Variants in ZBTB16 observed in about 807,000 individuals in gnomAD.
ZBTB16 encodes the protein zinc finger and BTB domain containing 16.
A neutral mutation model predicts 56.8 loss-of-function variants in ZBTB16; 8 were observed. The ratio of observed to expected loss-of-function variants is 0.14; its 90% CI spans 0.08 to 0.25. The LOEUF (loss-of-function observed/expected upper bound fraction) is 0.25. Among genes scored for constraint, ZBTB16 ranks in the 10% least tolerant of loss-of-function variants. ZBTB16 has a pLI of 1.00. For synonymous variants in ZBTB16, 363 were observed against 368.5 expected, an observed-to-expected ratio of 0.98 and a Z score of 0.17; for missense variants, 625 against 903.0, an observed-to-expected ratio of 0.69 and a Z score of 3.95.
intron 3 of ZBTB16, among the ~76,000 whole-genome samples, chr11:114,165,418 T>C (rs1942721361): frequency 6.6e-6 from 1 of 152,246 alleles, no homozygotes; most frequent in African/African-American, 2.4e-5. Flanking sequence ...TACTGTGCTC[T>C]CCTGGGCCAG....
chr11:114,096,112 G>C (rs1171438797), intron 2 of ZBTB16, among the ~76,000 whole-genome samples: 1 of 152,162 alleles, frequency 6.6e-6, no homozygotes, highest in African/African-American at 2.4e-5. Flanking sequence ...CTATGAAAAA[G>C]TAAATTCCTC....
At chr11:114,136,715 G>A (rs896987223) in intron 2 of ZBTB16, among the ~76,000 whole-genome samples, 2 of 151,838 alleles carry the variant, frequency 1.3e-5, no homozygotes, top group Non-Finnish European at 2.9e-5. Flanking sequence ...GGGTTTTTTT[G>A]GGGGGAGGTT....
intron 3 of ZBTB16, among the ~76,000 whole-genome samples, chr11:114,169,773 C>G (rs1488370863): frequency 1.3e-5 from 2 of 152,118 alleles, no homozygotes; most frequent in African/African-American, 4.8e-5. Context: ...GGGAGAAGCT[C>G]CTAAGAACCA....
chr11:114,242,458 T>C (rs1944728833), intron 5 of ZBTB16, 121 bp downstream of exon 5: 4 of 1,413,178 alleles, frequency 2.8e-6, no homozygotes, highest in Non-Finnish European at 3.9e-6. Flanking sequence ...TGCTCAAGGC[T>C]TGGACGTGCA....
In ZBTB16 at chr11:114,063,615, G is replaced by A. The variant is rs1031618275; in HGVS notation, c.315G>A (p.Ala105=). The A allele has an allele frequency of 8.1e-6, 13 of 1,614,034 alleles. No individual in the cohort carries two copies. In the East Asian group the frequency reaches 1.1e-4, roughly 14 times the overall value. Residue 105 remains alanine (A), a synonymous_variant, in exon 2 of 7, where the codon GCG becomes GCA. Transcript: ENST00000335953. The surrounding 1 kb of genome is among the most constrained non-coding windows in gnomAD (Gnocchi z 6.5). ...KAEDLDDLLY[A]AEILEIEYLE... ...AGGACCTGGATGACCTGCTGTATGCGGCCGAGATCCTGGAGATCGAGTACC... is the reference window on the plus strand; with the variant it reads ...AGGACCTGGATGACCTGCTGTATGCAGCCGAGATCCTGGAGATCGAGTACC...
intron 3 of ZBTB16, among the ~76,000 whole-genome samples, chr11:114,175,605 T>C (rs1943089549): frequency 6.6e-6 from 1 of 151,770 alleles, no homozygotes; most frequent in Non-Finnish European, 1.5e-5. Flanking sequence ...GGACAGGGGA[T>C]TCTGAGACCC....
intron 3 of ZBTB16, among the ~76,000 whole-genome samples, chr11:114,180,037 G>A (rs1458227808): frequency 6.6e-6 from 1 of 152,148 alleles, no homozygotes; most frequent in Non-Finnish European, 1.5e-5. Flanking sequence ...GGTGATCCTT[G>A]GCACAGAGGG....
intron 4 of ZBTB16, among the ~76,000 whole-genome samples, chr11:114,236,915 A>G (rs1944604133): frequency 6.6e-6 from 1 of 152,230 alleles, no homozygotes; most frequent in African/African-American, 2.4e-5. Flanking sequence ...TCAGAGGAAG[A>G]TGGTGTTGTT....
chr11:114,107,379 C>G (rs904003069), intron 2 of ZBTB16, among the ~76,000 whole-genome samples: 2 of 152,206 alleles, frequency 1.3e-5, no homozygotes, highest in African/African-American at 4.8e-5. Context: ...TCCCTCAAGT[C>G]TCAGATTAAG....
At chr11:114,244,300 G>C (rs1944771998) in intron 5 of ZBTB16, among the ~76,000 whole-genome samples, 1 of 151,868 alleles carries the variant, frequency 6.6e-6, no homozygotes, top group Non-Finnish European at 1.5e-5. Flanking sequence ...GATGGGGCTG[G>C]GGTGGGGAGG....
intron 4 of ZBTB16, among the ~76,000 whole-genome samples, chr11:114,234,424 C>CT (rs955752189): frequency 1.3e-5 from 2 of 152,210 alleles, no homozygotes; most frequent in African/African-American, 4.8e-5. Context: ...GTAAAAGGAA[C>CT]TGGGGAACTT....
chr11:114,181,933 C>T (rs1427963309), intron 3 of ZBTB16, among the ~76,000 whole-genome samples: 4 of 152,224 alleles, frequency 2.6e-5, no homozygotes, highest in Non-Finnish European at 1.5e-5. Context: ...AGGGTGTTCT[C>T]ACGTGGTGGC....
chr11:114,222,697 G>A (rs1944252299), intron 4 of ZBTB16, among the ~76,000 whole-genome samples: 1 of 152,194 alleles, frequency 6.6e-6, no homozygotes, highest in South Asian at 2.1e-4. Context: ...TATTTTCCTA[G>A]CAGGAGGGTG....
intron 3 of ZBTB16, among the ~76,000 whole-genome samples, chr11:114,170,474 G>T (rs978479592): frequency 2.0e-5 from 3 of 152,236 alleles, no homozygotes; most frequent in African/African-American, 7.2e-5. Flanking sequence ...TACCTCTGTA[G>T]TCAGGGGCTC....
intron 2 of ZBTB16, among the ~76,000 whole-genome samples, chr11:114,088,557 C>T (rs1940054182): frequency 6.6e-6 from 1 of 152,198 alleles, no homozygotes; most frequent in African/African-American, 2.4e-5. Flanking sequence ...CACTGCTCCC[C>T]TTCAGAGTCT....
chr11:114,195,413 G>A (rs1001464755), intron 4 of ZBTB16, among the ~76,000 whole-genome samples: 1 of 152,178 alleles, frequency 6.6e-6, no homozygotes, highest in African/African-American at 2.4e-5. Flanking sequence ...GAGAGACTGA[G>A]GGAGTCAGGG....
rs1283035155 is a variant in ZBTB16 at position 114,254,307 on chromosome 11, G to C, written c.*3752G>C. Among the ~76,000 whole-genome samples, 1 of 152,168 alleles carries C rather than the reference G, an allele frequency of 6.6e-6. No homozygotes were observed. Among genetic ancestry groups the C allele is most frequent in the Non-Finnish European group, 1.5e-5 (1 of 68,026 alleles). ...TCTGGGGTGCAGGGGTAGGTAGGGA[G>C]GCTGGGGGACCCAGTGATTCAGTAC... On this transcript the variant is annotated 3_prime_UTR_variant, in exon 7 of 7. Coordinates refer to ENST00000335953, the MANE Select transcript of ZBTB16 (RefSeq NM_006006.6).
chr11:114,198,513 C>G (rs909286390), intron 4 of ZBTB16, among the ~76,000 whole-genome samples: 4 of 152,208 alleles, frequency 2.6e-5, no homozygotes, highest in Non-Finnish European at 5.9e-5. Context: ...ATTGTTCACC[C>G]TAGTGGCTCC....
chr11:114,193,000 G>A (rs1943533421), intron 4 of ZBTB16, among the ~76,000 whole-genome samples: 1 of 152,198 alleles, frequency 6.6e-6, no homozygotes, highest in African/African-American at 2.4e-5. Flanking sequence ...CAGACATATG[G>A]AGCACCCCCT....
Sources: allele counts gnomAD v4.1 joint callset (sites outside exome capture counted in the v4.1 genomes callset), GRCh38; gene constraint gnomAD v4.1.1; non-coding constraint Gnocchi (gnomAD v3.1); transcripts MANE v1.5; gene names NCBI Gene and HGNC (gene_info 2026-07-23, HGNC 2026-07-21).